Variants in RALA observed in about 807,000 individuals in gnomAD.
RALA encodes ras-related protein Ral-A.
A neutral mutation model predicts 24.0 loss-of-function variants in RALA; 5 were observed. The observed-to-expected ratio is 0.21, with a 90% CI of 0.11 to 0.44. RALA has a LOEUF of 0.44. RALA is among the 20% of genes least tolerant of loss of function. The pLI is 0.99. For synonymous variants in RALA, 77 were observed against 83.8 expected, an observed-to-expected ratio of 0.92 and a Z score of 0.44; for missense variants, 95 against 241.2, an observed-to-expected ratio of 0.39 and a Z score of 4.01.
intron 1 of RALA, among the ~76,000 whole-genome samples, chr7:39,684,457 G>A (rs75936505): frequency 0.014 from 2,071 of 152,160 alleles, 47 homozygotes; most frequent in African/African-American, 0.047. Flanking sequence ...GGGCAAGCAG[G>A]CATATGGGAA....
chr7:39,651,559 A>G (rs958308932), intron 1 of RALA, among the ~76,000 whole-genome samples: 12 of 151,226 alleles, frequency 7.9e-5, no homozygotes, highest in African/African-American at 2.9e-4. Context: ...TATTTTAAAT[A>G]TTTTTCCTTT....
At chr7:39,696,535 T>C in intron 3 of RALA, 150 bp from the exon 4 acceptor site, 2 of 596,290 alleles carry the variant, frequency 3.4e-6, no homozygotes, top group Non-Finnish European at 5.6e-6. Context: ...CCTTAGTTGC[T>C]AATACTGTAT....
intron 1 of RALA, among the ~76,000 whole-genome samples, chr7:39,653,224 T>C (rs1427803340): frequency 1.3e-5 from 2 of 152,120 alleles, no homozygotes; most frequent in Non-Finnish European, 2.9e-5. Context: ...GAGATGGGGT[T>C]TCACCATGTT....
chr7:39,659,645 T>G (rs1351323902), intron 1 of RALA, among the ~76,000 whole-genome samples: 1 of 152,176 alleles, frequency 6.6e-6, no homozygotes, highest in Non-Finnish European at 1.5e-5. Flanking sequence ...GCTGGTAATT[T>G]GTGTGTTATT....
intron 1 of RALA, among the ~76,000 whole-genome samples, chr7:39,671,862 C>T (rs1299636294): frequency 2.0e-5 from 3 of 151,994 alleles, no homozygotes; most frequent in East Asian, 1.9e-4. Flanking sequence ...AGAAAAATGC[C>T]GCAGGGATTT....
At chr7:39,671,441 G>A (rs1169484830) in intron 1 of RALA, among the ~76,000 whole-genome samples, 2 of 152,142 alleles carry the variant, frequency 1.3e-5, no homozygotes, top group African/African-American at 4.8e-5. Flanking sequence ...TGCACTGACT[G>A]TGGACTGAGT....
At chr7:39,646,990 A>G (rs967050112) in intron 1 of RALA, among the ~76,000 whole-genome samples, 13 of 152,162 alleles carry the variant, frequency 8.5e-5, no homozygotes, top group Non-Finnish European at 1.0e-4. Context: ...GCACTAAACC[A>G]TTGTTTAGTG....
At chr7:39,633,228 C>T (rs1791626569) in intron 1 of RALA, among the ~76,000 whole-genome samples, 1 of 152,166 alleles carries the variant, frequency 6.6e-6, no homozygotes, top group Admixed American at 6.5e-5. Flanking sequence ...AAATGTTAGT[C>T]TGTTCTCGCA....
At chr7:39,637,027 C>T (rs1304722274) in intron 1 of RALA, among the ~76,000 whole-genome samples, 1 of 152,158 alleles carries the variant, frequency 6.6e-6, no homozygotes, top group African/African-American at 2.4e-5. Context: ...CAAACCCTAT[C>T]AGATGAGTTT....
In RALA at chr7:39,694,172, A is replaced by G. The variant is rs554439420; in HGVS notation, c.324-2513A>G. ...GTACATTTTAACATCTCTGAGGGCT[A>G]TGTCTTATGATATGGCACCATACAG... On this transcript the variant is annotated intron_variant, in intron 3 of 4. Coordinates refer to ENST00000005257, the MANE Select transcript of RALA (RefSeq NM_005402.4). 1.8e-4 allele frequency among the ~76,000 whole-genome samples: 27 copies of G among 152,364 alleles called. 1 individual carries two copies. The South Asian group carries it at 3.1e-3, about 18-fold the overall frequency.
rs184938126 is a variant in RALA at position 39,661,507 on chromosome 7, G to T, written c.-37-25124G>T. ...CACCCATTCCAAATGGGAGAAATTGGCCAAAACAAAGGGGCCAAAGGCCCT... is the reference window on the plus strand; with the variant it reads ...CACCCATTCCAAATGGGAGAAATTGTCCAAAACAAAGGGGCCAAAGGCCCT... On this transcript the variant is annotated intron_variant, in intron 1 of 4. Coordinates refer to ENST00000005257, the MANE Select transcript of RALA (RefSeq NM_005402.4). Among the ~76,000 whole-genome samples, 59 of 152,318 alleles carry T rather than the reference G, an allele frequency of 3.9e-4. No individual in the cohort carries two copies. In the East Asian group the frequency reaches 9.3e-3, roughly 24 times the overall value.
chr7:39,686,908 T>C (rs1792714210), intron 2 of RALA, 127 bp downstream of exon 2: 1 of 687,420 alleles, frequency 1.5e-6, no homozygotes, highest in African/African-American at 1.8e-5. Flanking sequence ...TTTTTCATTT[T>C]TGTGTTTAGA....
At chr7:39,671,290 T>C (rs766395393) in intron 1 of RALA, among the ~76,000 whole-genome samples, 42 of 152,224 alleles carry the variant, frequency 2.8e-4, no homozygotes, top group Non-Finnish European at 5.0e-4. Context: ...GCTTTCTTTC[T>C]TACTGTCACC....
At chr7:39,636,850 G>C (rs1022953556) in intron 1 of RALA, among the ~76,000 whole-genome samples, 1 of 151,906 alleles carries the variant, frequency 6.6e-6, no homozygotes. Context: ...AGAGAGACAC[G>C]GGGGCAAGGA....
At chr7:39,676,211 G>T (rs1792485226) in intron 1 of RALA, among the ~76,000 whole-genome samples, 1 of 152,142 alleles carries the variant, frequency 6.6e-6, no homozygotes, top group Middle Eastern at 3.2e-3. Context: ...TCCTGACCTG[G>T]TGATCTGCCT....
intron 1 of RALA, among the ~76,000 whole-genome samples, chr7:39,683,840 A>AACACACACAC (rs71964842): frequency 1.1e-3 from 157 of 148,048 alleles, no homozygotes; most frequent in African/African-American, 3.8e-3. Context: ...TTTTCTTTTG[A>AACACACACAC]ACACACACAC....
rs948286726 is a variant in RALA, at chr7:39,669,038, T to TG, written c.-37-17590dup. ...CTGAGGCAGGAGAATCGCTTGAACC[T>TG]GGGAGGCAGAGGTTGCAGTGAACCG... is the stretch of plus-strand genomic sequence containing the variant. On this transcript the variant is annotated intron_variant, in intron 1 of 4. Coordinates refer to ENST00000005257, the MANE Select transcript of RALA (RefSeq NM_005402.4). 4.0e-5 allele frequency among the ~76,000 whole-genome samples: 6 copies of TG among 151,110 alleles called. 1 individual carries two copies. Among genetic ancestry groups the TG allele is most frequent in the African/African-American group, 1.5e-4 (6 of 41,086 alleles).
At chr7:39,677,618 A>G (rs577836465) in intron 1 of RALA, among the ~76,000 whole-genome samples, 26 of 31,762 alleles carry the variant, frequency 8.2e-4, no homozygotes, top group Admixed American at 2.0e-3. Flanking sequence ...TAGATCCCTG[A>G]GGAATCGCCA....
intron 1 of RALA, among the ~76,000 whole-genome samples, chr7:39,661,926 A>T (rs1792199013): frequency 6.6e-6 from 1 of 152,114 alleles, no homozygotes; most frequent in African/African-American, 2.4e-5. Context: ...GCGTTTCTAT[A>T]CATCCTCTGA....
Sources: allele counts gnomAD v4.1 joint callset (sites outside exome capture counted in the v4.1 genomes callset), GRCh38; gene constraint gnomAD v4.1.1; transcripts MANE v1.5; gene names NCBI Gene and HGNC (gene_info 2026-07-23, HGNC 2026-07-21).